Variants in ROBO2 observed in about 807,000 individuals in gnomAD.
The protein encoded by ROBO2 is roundabout homolog 2.
A neutral mutation model predicts 160.8 loss-of-function variants in ROBO2; 53 were observed. The ratio of observed to expected loss-of-function variants is 0.33; its 90% CI spans 0.26 to 0.41. The LOEUF (loss-of-function observed/expected upper bound fraction) is 0.41. Among genes scored for constraint, ROBO2 ranks in the 10% least tolerant of loss-of-function variants. The pLI is 1.00. For synonymous variants in ROBO2, 664 were observed against 611.7 expected (o/e 1.09, Z -1.26); for missense variants, 1,577 against 1,722.4 (o/e 0.92, Z 1.49).
intron 2 of ROBO2, among the ~76,000 whole-genome samples, chr3:76,561,844 C>G (rs183839456): frequency 5.9e-5 from 9 of 152,282 alleles, no homozygotes; most frequent in African/African-American, 2.2e-4. Context: ...AGCCTTTTCT[C>G]CGTGCTATTC....
chr3:77,433,272 C>T (rs971371354), intron 2 of ROBO2, among the ~76,000 whole-genome samples: 7 of 151,804 alleles, frequency 4.6e-5, no homozygotes, highest in Admixed American at 2.6e-4. Flanking sequence ...GGTTCCCAGA[C>T]TCCTCCTGCA....
intron 2 of ROBO2, among the ~76,000 whole-genome samples, chr3:76,112,880 A>T (rs2070300671): frequency 6.6e-6 from 1 of 152,104 alleles, no homozygotes; most frequent in Non-Finnish European, 1.5e-5. Context: ...AATATCACTG[A>T]AAATTCTAAA....
intron 2 of ROBO2, among the ~76,000 whole-genome samples, chr3:76,232,108 A>G (rs1397216287): frequency 6.6e-6 from 1 of 152,214 alleles, no homozygotes; most frequent in Non-Finnish European, 1.5e-5. Flanking sequence ...GAGCTTTAGC[A>G]TGAGTGATCA....
intron 2 of ROBO2, among the ~76,000 whole-genome samples, chr3:75,976,359 C>T (rs770313963): frequency 2.0e-5 from 3 of 151,508 alleles, no homozygotes; most frequent in Non-Finnish European, 4.4e-5. Flanking sequence ...CAATGTAATA[C>T]TATTAAGCAA....
chr3:77,622,957 G>A (rs892506001), intron 23 of ROBO2, among the ~76,000 whole-genome samples: 1 of 152,086 alleles, frequency 6.6e-6, no homozygotes, highest in Non-Finnish European at 1.5e-5. Context: ...TCACATTGCT[G>A]CATCTAGTAA....
At chr3:77,614,026 A>C (rs2153700395) in intron 21 of ROBO2, among the ~76,000 whole-genome samples, 1 of 152,318 alleles carries the variant, frequency 6.6e-6, no homozygotes, top group Admixed American at 6.5e-5. Context: ...AGAAAGTACA[A>C]AGAAAGATGA....
chr3:76,298,910 G>A (rs1437330658), intron 2 of ROBO2, among the ~76,000 whole-genome samples: 4 of 152,168 alleles, frequency 2.6e-5, no homozygotes, highest in African/African-American at 9.7e-5. Flanking sequence ...TGTGCTGTGT[G>A]CCTCTGACCA....
intron 2 of ROBO2, among the ~76,000 whole-genome samples, chr3:77,177,348 A>G (rs942944741): frequency 3.3e-5 from 5 of 152,072 alleles, no homozygotes; most frequent in Admixed American, 3.3e-4. Context: ...TATTATTGGT[A>G]GTACAGTCAT....
At chr3:77,128,758 A>G (rs576627865) in intron 2 of ROBO2, among the ~76,000 whole-genome samples, 1 of 152,324 alleles carries the variant, frequency 6.6e-6, no homozygotes, top group South Asian at 2.1e-4. Flanking sequence ...GCATATGAAT[A>G]TATGAACTAT....
At position 77,217,013 on chromosome 3, in the gene ROBO2, G is replaced by T. The variant is rs77635726; in HGVS notation, c.388+118673G>T. Reference sequence around the variant, plus strand: ...AGTAATTGATGTTAGAGCTTCAAGGGACAGGACAGAGCTTGTCAAGGGAAA... The same window carrying T: ...AGTAATTGATGTTAGAGCTTCAAGGTACAGGACAGAGCTTGTCAAGGGAAA... On this transcript the variant is annotated intron_variant, in intron 2 of 25. Transcript: ENST00000461745. Among the ~76,000 whole-genome samples the T allele has an allele frequency of 5.0e-3, 760 of 152,194 alleles. 5 individuals carry two copies. Among genetic ancestry groups the T allele is most frequent in the African/African-American group, 0.018 (728 of 41,536 alleles).
chr3:77,134,415 A>C (rs2076108747), intron 2 of ROBO2, among the ~76,000 whole-genome samples: 1 of 152,216 alleles, frequency 6.6e-6, no homozygotes, highest in African/African-American at 2.4e-5. Flanking sequence ...CTAGTAATCT[A>C]TTCTTCTCAG....
chr3:77,428,280 T>G (rs2078402934), intron 2 of ROBO2, among the ~76,000 whole-genome samples: 1 of 151,724 alleles, frequency 6.6e-6, no homozygotes, highest in African/African-American at 2.4e-5. Flanking sequence ...TTATTTGGCC[T>G]GTAATACATA....
chr3:77,352,917 A>G (rs2068552902), intron 2 of ROBO2, among the ~76,000 whole-genome samples: 1 of 152,230 alleles, frequency 6.6e-6, no homozygotes, highest in South Asian at 2.1e-4. Context: ...CACATGGTCC[A>G]TCACATAATC....
chr3:76,086,412 G>A (rs2069014377), intron 2 of ROBO2, among the ~76,000 whole-genome samples: 1 of 151,936 alleles, frequency 6.6e-6, no homozygotes, highest in Admixed American at 6.6e-5. Flanking sequence ...ATTTGGGTGG[G>A]GACACAGCCA....
chr3:76,425,004 C>G (rs1450840050), intron 2 of ROBO2, among the ~76,000 whole-genome samples: 2 of 152,084 alleles, frequency 1.3e-5, no homozygotes, highest in African/African-American at 2.4e-5. Context: ...TTTTGTAGGT[C>G]TAAATCAATA....
At chr3:77,414,890 T>C (rs2077087231) in intron 2 of ROBO2, among the ~76,000 whole-genome samples, 1 of 152,234 alleles carries the variant, frequency 6.6e-6, no homozygotes, top group Non-Finnish European at 1.5e-5. Flanking sequence ...AGTCAATTTA[T>C]ATAAATAGAG....
intron 2 of ROBO2, among the ~76,000 whole-genome samples, chr3:76,013,162 C>T (rs1012620788): frequency 2.8e-5 from 4 of 144,402 alleles, no homozygotes; most frequent in African/African-American, 1.0e-4. Context: ...AGGCTGGGCA[C>T]GGTGGCTTAT....
chr3:76,442,427 C>T lies in ROBO2; in HGVS notation c.109+504825C>T, dbSNP rs193211914. Among the ~76,000 whole-genome samples the T allele has an allele frequency of 5.2e-4, 79 of 152,148 alleles. 1 individual carries two copies. Among genetic ancestry groups the T allele is most frequent in the Middle Eastern group, 6.8e-3 (2 of 294 alleles). On this transcript the variant is annotated intron_variant, in intron 2 of 26. Transcript: ENST00000487694. ...GGAAAGAGAGCAGAGCATAAAACTACCGTGCGTTATTCTTTTCTGTTATTT... is the reference window on the plus strand; with the variant it reads ...GGAAAGAGAGCAGAGCATAAAACTATCGTGCGTTATTCTTTTCTGTTATTT...
At chr3:77,357,646 G>A (rs1044681273) in intron 2 of ROBO2, among the ~76,000 whole-genome samples, 1 of 152,142 alleles carries the variant, frequency 6.6e-6, no homozygotes, top group African/African-American at 2.4e-5. Flanking sequence ...GCAGTTAAGT[G>A]ACAGAATCAA....
Sources: gnomAD v4.1 joint callset for allele counts (sites outside exome capture counted in the v4.1 genomes callset) on GRCh38, gnomAD v4.1.1 for gene constraint, MANE v1.5 for transcripts, NCBI Gene and HGNC (gene_info 2026-07-23, HGNC 2026-07-21) for gene names.